The following BTBD9 variants were observed in gnomAD, a reference collection of about 807,000 sequenced individuals.
The protein encoded by BTBD9 is BTB domain containing 9.
Under a neutral mutation model 64.3 loss-of-function variants are expected in BTBD9, and 49 were observed. The observed-to-expected ratio is 0.76, with a 90% confidence interval of 0.61 to 0.97. The LOEUF is 0.97. Among genes scored for constraint, BTBD9 ranks in the 50% least tolerant of loss-of-function variants. The pLI, the probability that BTBD9 is intolerant of heterozygous loss-of-function variation, is 0.00. For missense variants in BTBD9, 598 were observed against 762.1 expected, an observed-to-expected ratio of 0.78 and a Z score of 2.53; for synonymous variants, 260 against 274.7, an observed-to-expected ratio of 0.95 and a Z score of 0.53.
chr6:38,540,367 TAGGCTAGTAATC>T (rs1774217901), intron 6 of BTBD9, among the ~76,000 whole-genome samples: 1 of 152,220 alleles, frequency 6.6e-6, no homozygotes, highest in Admixed American at 6.5e-5. Context: ...TTTTATGGAA[TAGGCTAGTAATC>T]CATGAGCCAT....
chr6:38,478,639 G>A (rs1771000274), intron 6 of BTBD9, among the ~76,000 whole-genome samples: 1 of 152,150 alleles, frequency 6.6e-6, no homozygotes, highest in African/African-American at 2.4e-5. Flanking sequence ...AAGATAAGTG[G>A]GTTCTTGGCT....
At chr6:38,267,923 G>C (rs1014730571) in intron 8 of BTBD9, among the ~76,000 whole-genome samples, 1 of 152,180 alleles carries the variant, frequency 6.6e-6, no homozygotes, top group Non-Finnish European at 1.5e-5. Flanking sequence ...CTGGGTGACA[G>C]AGCGAGACTC....
chr6:38,527,850 T>C (rs1327347348), intron 6 of BTBD9, among the ~76,000 whole-genome samples: 5 of 149,518 alleles, frequency 3.3e-5, no homozygotes, highest in Non-Finnish European at 7.4e-5. Context: ...AAATCAGAAA[T>C]AGGAAGGCAG....
chr6:38,338,945 C>T (rs1167601377), intron 7 of BTBD9, among the ~76,000 whole-genome samples: 4 of 152,144 alleles, frequency 2.6e-5, no homozygotes, highest in Non-Finnish European at 4.4e-5. Flanking sequence ...TGGCTAAAGT[C>T]CAGAAGTTTG....
chr6:38,375,857 A>G (rs947568539), intron 6 of BTBD9, among the ~76,000 whole-genome samples: 5 of 151,340 alleles, frequency 3.3e-5, no homozygotes, highest in African/African-American at 1.2e-4. Flanking sequence ...TCCCAAAGCA[A>G]TTAACCTTGA....
At chr6:38,248,840 TTTCGAG>T (rs1252337732) in intron 9 of BTBD9, among the ~76,000 whole-genome samples, 1 of 152,202 alleles carries the variant, frequency 6.6e-6, no homozygotes. Context: ...TCTTGGTGAA[TTTCGAG>T]AAAATGATAT....
At chr6:38,213,853 G>C (rs1052989050) in intron 9 of BTBD9, among the ~76,000 whole-genome samples, 10 of 151,704 alleles carry the variant, frequency 6.6e-5, no homozygotes, top group Admixed American at 6.6e-5. Context: ...TGTGGTGGCA[G>C]GCGCCTGTAG....
At chr6:38,376,116 A>T (rs1484442840) in intron 6 of BTBD9, among the ~76,000 whole-genome samples, 1 of 152,214 alleles carries the variant, frequency 6.6e-6, no homozygotes, top group East Asian at 1.9e-4. Flanking sequence ...ACAGGAAGCC[A>T]CAAAAGAAAA....
intron 8 of BTBD9, among the ~76,000 whole-genome samples, chr6:38,276,335 C>G (rs1203411182): frequency 6.9e-6 from 1 of 144,818 alleles, no homozygotes; most frequent in Non-Finnish European, 1.5e-5. Context: ...ACATCACACT[C>G]CGGGGACTGT....
chr6:38,594,071 C>T lies in BTBD9; in HGVS notation c.442G>A (p.Val148Ile). Residue 148 changes from valine to isoleucine, a missense_variant, in exon 3 of 11, where the codon GTT (valine) becomes ATT (isoleucine). Coordinates refer to ENST00000481247, the MANE Select transcript of BTBD9 (RefSeq NM_001099272.2). The part of the protein sequence containing the change: ...NIQNVCMTFD[V>I]ASLYSLPKLT... The stretch of plus-strand genomic sequence containing the variant: ...TTGGGAAGTGAGTAGAGACTGGCAA[C>T]ATCAAAAGTCATGCAGACATTCTGA... 1 of 1,614,126 alleles carries T rather than the reference C, an allele frequency of 6.2e-7. No individual in the cohort carries two copies. The highest frequency in any genetic ancestry group is 8.5e-7 in the Non-Finnish European group (1 of 1,180,000).
rs116192840 is a variant in BTBD9 at position 38,455,340 on chromosome 6, C to T, written c.1155-110247G>A. Among the ~76,000 whole-genome samples the T allele has an allele frequency of 7.0e-3, 1,063 of 152,276 alleles. 8 individuals carry two copies. The highest frequency in any genetic ancestry group is 0.024 in the African/African-American group (1,006 of 41,568). On this transcript the variant is annotated intron_variant, in intron 6 of 10. Transcript: ENST00000481247. ...GCTTTCCATTGCTATCATTTTGCCTCATTTTTTTCTTTTGAGATGGGGTCT... is the reference window on the plus strand; with the variant it reads ...GCTTTCCATTGCTATCATTTTGCCTTATTTTTTTCTTTTGAGATGGGGTCT...
intron 9 of BTBD9, among the ~76,000 whole-genome samples, chr6:38,234,406 G>A (rs1464986777): frequency 6.6e-6 from 1 of 152,188 alleles, no homozygotes; most frequent in African/African-American, 2.4e-5. Flanking sequence ...GGCTAAGGAG[G>A]TGGGGAGAAG....
rs1776133689 is a variant in BTBD9 at position 38,578,080 on chromosome 6, A to G, written c.1035-361T>C. Among the ~76,000 whole-genome samples, 3 of 152,294 alleles carry G rather than the reference A, an allele frequency of 2.0e-5. No individual in the cohort carries two copies. The South Asian group carries it at 6.2e-4, about 32-fold the overall frequency. On this transcript the variant is annotated intron_variant, in intron 5 of 10. Transcript: ENST00000481247. Reference sequence around the variant, plus strand: ...CTCACCTATACCATATTAGAAGATAAATGATGCCACGAGAGAGAGAAAGAA... The same window carrying G: ...CTCACCTATACCATATTAGAAGATAGATGATGCCACGAGAGAGAGAAAGAA...
At chr6:38,223,353 G>A (rs1763281634) in intron 9 of BTBD9, among the ~76,000 whole-genome samples, 1 of 152,092 alleles carries the variant, frequency 6.6e-6, no homozygotes, top group African/African-American at 2.4e-5. Flanking sequence ...TATTTTTTTA[G>A]AGACAGGATC....
chr6:38,333,710 G>T (rs369686071), intron 7 of BTBD9, among the ~76,000 whole-genome samples: 2 of 152,280 alleles, frequency 1.3e-5, no homozygotes, highest in East Asian at 3.9e-4. Flanking sequence ...GCAGAAGCCC[G>T]TACAGCCCAC....
chr6:38,620,628 CT>C (rs892187131), intron 1 of BTBD9, among the ~76,000 whole-genome samples: 2 of 152,156 alleles, frequency 1.3e-5, no homozygotes, highest in African/African-American at 4.8e-5. Flanking sequence ...TACAAAGCAT[CT>C]AAACCGAAGG....
At chr6:38,386,587 A>G (rs1012829281) in intron 6 of BTBD9, among the ~76,000 whole-genome samples, 1 of 150,072 alleles carries the variant, frequency 6.7e-6, no homozygotes, top group African/African-American at 2.5e-5. Context: ...ATGTAGTAAA[A>G]TTATAGTGAT....
chr6:38,363,384 C>T (rs1330229045), intron 6 of BTBD9, among the ~76,000 whole-genome samples: 4 of 152,162 alleles, frequency 2.6e-5, no homozygotes, highest in African/African-American at 9.7e-5. Flanking sequence ...ATAGTGAGAC[C>T]CCTGTCTCTA....
intron 6 of BTBD9, among the ~76,000 whole-genome samples, chr6:38,479,166 G>C (rs1343866002): frequency 6.6e-6 from 1 of 152,168 alleles, no homozygotes; most frequent in East Asian, 1.9e-4. Context: ...CTATGAAAGA[G>C]TTTCCAAATA....
Sources: gnomAD v4.1 joint callset for allele counts (sites outside exome capture counted in the v4.1 genomes callset) on GRCh38, gnomAD v4.1.1 for gene constraint, MANE v1.5 for transcripts, NCBI Gene and HGNC (gene_info 2026-07-23, HGNC 2026-07-21) for gene names.